The following DAB1 variants were observed in gnomAD, a reference collection of about 807,000 sequenced individuals.
The protein encoded by DAB1 is disabled homolog 1.
DAB1 carries 15 observed loss-of-function variants against 64.6 expected under a neutral mutation model. The observed-to-expected ratio is 0.23, with a 90% CI of 0.16 to 0.36. The LOEUF (loss-of-function observed/expected upper bound fraction) is 0.36, where lower values mean the gene tolerates loss of function less well. Among genes scored for constraint, DAB1 ranks in the 10% least tolerant of loss-of-function variants. DAB1 has a pLI of 1.00. For synonymous variants in DAB1, 235 were observed against 251.9 expected (o/e 0.93, Z 0.64); for missense variants, 596 against 706.7 (o/e 0.84, Z 1.78).
intron 6 of DAB1, among the ~76,000 whole-genome samples, chr1:57,816,414 T>C (rs1171847240): frequency 1.3e-5 from 2 of 152,206 alleles, no homozygotes; most frequent in South Asian, 2.1e-4. Flanking sequence ...CTAATATGGA[T>C]AGAACAACAC....
intron 1 of DAB1, among the ~76,000 whole-genome samples, chr1:57,342,161 T>TCTC (rs1677643913): frequency 6.6e-6 from 1 of 152,234 alleles, no homozygotes; most frequent in African/African-American, 2.4e-5. Flanking sequence ...CTCACCTTTT[T>TCTC]GCCTTTGTGG....
intron 1 of DAB1, among the ~76,000 whole-genome samples, chr1:57,394,830 C>G (rs1430881349): frequency 6.6e-6 from 1 of 152,094 alleles, no homozygotes; most frequent in Non-Finnish European, 1.5e-5. Context: ...ACTTATTTGA[C>G]CAAAGGAAAC....
chr1:58,142,317 G>C (rs1269479648), intron 5 of DAB1, among the ~76,000 whole-genome samples: 1 of 152,224 alleles, frequency 6.6e-6, no homozygotes, highest in African/African-American at 2.4e-5. Context: ...TTCAGAAACA[G>C]TTTTCATGGA....
chr1:57,000,482 C>G (rs1272331450), intron 14 of DAB1, among the ~76,000 whole-genome samples: 7 of 152,160 alleles, frequency 4.6e-5, no homozygotes. Flanking sequence ...TCCAATTTGG[C>G]TTTATTCTCT....
intron 6 of DAB1, among the ~76,000 whole-genome samples, chr1:57,745,010 G>C (rs1174323493): frequency 6.6e-6 from 1 of 152,130 alleles, no homozygotes; most frequent in Non-Finnish European, 1.5e-5. Flanking sequence ...GTCTATTTTA[G>C]CAATATGAAT....
intron 6 of DAB1, among the ~76,000 whole-genome samples, chr1:57,745,316 G>T (rs1249670044): frequency 6.6e-6 from 1 of 152,090 alleles, no homozygotes; most frequent in Non-Finnish European, 1.5e-5. Flanking sequence ...ACCAATGTTT[G>T]TTGAAACTTT....
At chr1:58,019,101 G>T (rs1213153433) in intron 5 of DAB1, among the ~76,000 whole-genome samples, 1 of 152,026 alleles carries the variant, frequency 6.6e-6, no homozygotes, top group Admixed American at 6.6e-5. Flanking sequence ...AAAATGAATG[G>T]CCCAGATATG....
At chr1:57,959,848 A>T (rs1645476305) in intron 5 of DAB1, among the ~76,000 whole-genome samples, 1 of 152,212 alleles carries the variant, frequency 6.6e-6, no homozygotes, top group Admixed American at 6.5e-5. Flanking sequence ...ATTTAAACCC[A>T]AAGCAATGGA....
rs140035280 is a variant in DAB1, at chr1:57,385,962, G to C, written c.-137+37968C>G. ...ACAGCTGAGTGAGTTAAGAGCATGG[G>C]TTATAGAGTTAGCAACAGCAAAGGT... is the stretch of plus-strand genomic sequence containing the variant. On this transcript the variant is annotated intron_variant, in intron 1 of 14. Coordinates refer to ENST00000371236, the MANE Select transcript of DAB1 (RefSeq NM_001365792.1). Among the ~76,000 whole-genome samples the C allele has an allele frequency of 5.3e-3, 806 of 152,306 alleles. 8 individuals are homozygous for C. The highest frequency in any genetic ancestry group is 0.018 in the African/African-American group (742 of 41,570).
At chr1:58,134,365 T>G (rs1346306808) in intron 5 of DAB1, among the ~76,000 whole-genome samples, 3 of 152,162 alleles carry the variant, frequency 2.0e-5, no homozygotes, top group African/African-American at 7.2e-5. Context: ...ACCAATCCCA[T>G]ATATGAGGAA....
In DAB1 at chr1:57,010,688, G is replaced by A; in HGVS notation, c.*7C>T. On this transcript the variant is annotated 3_prime_UTR_variant, in exon 14 of 15. Coordinates refer to ENST00000371236, the MANE Select transcript of DAB1 (RefSeq NM_001365792.1). ...AAAGGACAGATACCTACCCAGACCT[G>A]CGCTATCTAGCTACCGGCCTGTGGA... The A allele has an allele frequency of 6.5e-7, 1 of 1,544,768 alleles. No homozygotes were observed. The highest frequency in any genetic ancestry group is 2.3e-5 in the East Asian group (1 of 43,448).
chr1:58,508,127 T>C (rs1451779897), intron 2 of DAB1, among the ~76,000 whole-genome samples: 3 of 152,154 alleles, frequency 2.0e-5, no homozygotes, highest in Non-Finnish European at 2.9e-5. Flanking sequence ...AGAAATTAAT[T>C]ATCCCTACAG....
intron 14 of DAB1, among the ~76,000 whole-genome samples, chr1:57,008,011 G>C (rs1387897071): frequency 1.3e-5 from 2 of 152,208 alleles, no homozygotes; most frequent in Non-Finnish European, 2.9e-5. Context: ...TGCAAAGCTG[G>C]CATCTGCCCC....
intron 6 of DAB1, among the ~76,000 whole-genome samples, chr1:57,686,481 C>T (rs780321676): frequency 3.9e-5 from 6 of 152,120 alleles, no homozygotes; most frequent in Non-Finnish European, 8.8e-5. Flanking sequence ...GTACAAAGAA[C>T]AACCGGTGCC....
At chr1:58,154,346 T>A (rs1044717425) in intron 4 of DAB1, among the ~76,000 whole-genome samples, 1 of 152,046 alleles carries the variant, frequency 6.6e-6, no homozygotes, top group African/African-American at 2.4e-5. Flanking sequence ...GTAGAGTCCA[T>A]CCCGACCCTC....
rs998537397 is a variant in DAB1 at position 58,105,300 on chromosome 1, C to A, written n.387+45211G>T. On this transcript the variant is annotated intron_variant and non_coding_transcript_variant, in intron 5 of 20. Coordinates refer to the DAB1 transcript ENST00000485760. ...AGGTCTTGTTCAGTTAAAAGCAAGA[C>A]CCCATCTGTAAACACTCATCGGCAC... Among the ~76,000 whole-genome samples, 63 of 152,294 alleles carry A rather than the reference C, an allele frequency of 4.1e-4. 1 individual carries two copies. Among genetic ancestry groups the A allele is most frequent in the Middle Eastern group, 3.4e-3 (1 of 294 alleles).
At chr1:57,428,018 C>T (rs973852223), upstream of DAB1, among the ~76,000 whole-genome samples, 1 of 151,946 alleles carries the variant, frequency 6.6e-6, no homozygotes, top group African/African-American at 2.4e-5. Context: ...AAATGCAAAA[C>T]TTAGCCGGGC....
At chr1:57,243,357 CCA>C (rs1668631820) in intron 2 of DAB1, among the ~76,000 whole-genome samples, 2 of 152,104 alleles carry the variant, frequency 1.3e-5, no homozygotes, top group Admixed American at 1.3e-4. Flanking sequence ...TGCATCTCTC[CCA>C]CAGACATGCA....
At chr1:58,131,770 G>A (rs1436389767) in intron 5 of DAB1, among the ~76,000 whole-genome samples, 2 of 148,380 alleles carry the variant, frequency 1.3e-5, no homozygotes, top group African/African-American at 2.5e-5. Flanking sequence ...TAGGCTGCTC[G>A]GGGGTCAGGG....
Sources: allele counts gnomAD v4.1 joint callset (sites outside exome capture counted in the v4.1 genomes callset), GRCh38; gene constraint gnomAD v4.1.1; transcripts MANE v1.5; gene names NCBI Gene and HGNC (gene_info 2026-07-23, HGNC 2026-07-21).